Variants in MED24 observed in about 807,000 individuals in gnomAD.
MED24 encodes mediator of RNA polymerase II transcription subunit 24.
In MED24, 74 loss-of-function variants were observed where a neutral mutation model predicts 118.8. The ratio of observed to expected loss-of-function variants is 0.62; its 90% CI spans 0.52 to 0.76. The LOEUF (loss-of-function observed/expected upper bound fraction) is 0.76, where lower values mean the gene tolerates loss of function less well. MED24 is among the 30% of genes least tolerant of loss of function. The pLI, the probability that MED24 is intolerant of heterozygous loss-of-function variation, is 0.00. For missense variants in MED24, 1,041 were observed against 1,278.9 expected (o/e 0.81, Z 2.84); for synonymous variants, 521 against 523.9 (o/e 0.99, Z 0.08).
chr17:40,023,830 G>A (rs1982333332), intron 19 of MED24, among the ~76,000 whole-genome samples: 1 of 152,200 alleles, frequency 6.6e-6, no homozygotes, highest in Non-Finnish European at 1.5e-5. Flanking sequence ...AGAGGCCCAA[G>A]GGCTGCCCCA....
At chr17:40,042,681 A>G (rs967322919) in intron 3 of MED24, among the ~76,000 whole-genome samples, 20 of 152,200 alleles carry the variant, frequency 1.3e-4, no homozygotes, top group African/African-American at 4.1e-4. Context: ...TCCGTCTCAA[A>G]AAAAACAGAG....
chr17:40,027,260 T>C, intron 16 of MED24, 123 bp downstream of exon 16: 1 of 1,245,872 alleles, frequency 8.0e-7, no homozygotes, highest in East Asian at 2.5e-5. Flanking sequence ...GGTGGGCACC[T>C]GGTTTCTGAG....
intron 3 of MED24, among the ~76,000 whole-genome samples, chr17:40,050,151 C>CAA (rs530636875): frequency 1.1e-4 from 8 of 74,062 alleles, no homozygotes; most frequent in Non-Finnish European, 1.3e-4. Context: ...AACTCCGTCT[C>CAA]AAAAAAAAAA....
In MED24 at chr17:40,029,720, T is replaced by G. The variant is rs767385106; in HGVS notation, c.1266+28A>C. 6.3e-6 allele frequency: 10 copies of G among 1,589,516 alleles called. No individual in the cohort carries two copies. The Admixed American group carries it at 1.7e-4, about 27-fold the overall frequency. On this transcript the variant is annotated intron_variant, in intron 13 of 25. Transcript: ENST00000394128. ...GCACTGGAAAGAAGAAAGAGAAGAC[T>G]GTGGTGGCCAGGGAAGGGCACACTC...
At chr17:40,028,021 T>C in intron 14 of MED24, 75 bp from the exon 15 acceptor site, 1 of 1,440,046 alleles carries the variant, frequency 6.9e-7, no homozygotes. Flanking sequence ...GCTACACATG[T>C]TCAGAGAGCG....
At chr17:40,022,219 T>C (rs575729972) in intron 22 of MED24, among the ~76,000 whole-genome samples, 165 bp from the exon 23 acceptor site, 2 of 152,300 alleles carry the variant, frequency 1.3e-5, no homozygotes, top group East Asian at 3.9e-4. Flanking sequence ...CTTGTGCCCA[T>C]GGGCAAGCTG....
At chr17:40,036,292 G>C (rs1480054147) in intron 3 of MED24, 138 bp from the exon 4 acceptor site, 1 of 788,646 alleles carries the variant, frequency 1.3e-6, no homozygotes, top group African/African-American at 1.7e-5. Flanking sequence ...CAAGCAAGGA[G>C]AGGCAGTGTC....
chr17:40,024,639 C>T (rs1201973914), intron 19 of MED24, among the ~76,000 whole-genome samples: 1 of 152,236 alleles, frequency 6.6e-6, no homozygotes, highest in Non-Finnish European at 1.5e-5. Flanking sequence ...TTCACAGCAG[C>T]ACTATTCACT....
Position 40,033,299 on chromosome 17 carries a change from C to T in MED24, c.671+46G>A, listed in dbSNP as rs892045671. 4.3e-6 allele frequency: 7 copies of T among 1,611,518 alleles called. No homozygotes were observed. The highest frequency in any genetic ancestry group is 3.3e-5 in the South Asian group (3 of 90,988). The stretch of plus-strand genomic sequence containing the variant: ...GGTGCCACATCTTCCTACCCCAGGG[C>T]GTGTCCTCCCTCTCCCTTCTCCACC... On this transcript the variant is annotated intron_variant, in intron 7 of 25. Transcript: ENST00000394128. The surrounding 1 kb of genome is among the most constrained non-coding windows in gnomAD (Gnocchi z 5.2).
rs1295801776 is a variant in MED24, at chr17:40,019,140, G to A, written c.*389C>T. 31 of 178,536 alleles carry A rather than the reference G, an allele frequency of 1.7e-4. No homozygotes were observed. Among genetic ancestry groups the A allele is most frequent in the Non-Finnish European group, 5.9e-5 (5 of 84,888 alleles). The allele number at this position is 178,536 out of a possible 1,614,324, so 11.1% of individuals were successfully genotyped here. ...GGAGCTTTATTTATACATGAACGAA[G>A]GTAGATTTCCCTCACATATTACAAA... On this transcript the variant is annotated 3_prime_UTR_variant, in exon 26 of 26. Coordinates refer to ENST00000394128, the MANE Select transcript of MED24 (RefSeq NM_014815.4).
At chr17:40,032,306 C>T in intron 9 of MED24, 1 of 591,812 alleles carries the variant, frequency 1.7e-6, no homozygotes, top group East Asian at 2.9e-5. Flanking sequence ...CACCCTGCAC[C>T]TCCGCTAGCT....
rs536904931 is a variant in MED24 at position 40,027,506 on chromosome 17, G to C, written c.1448-41C>G. 6 of 1,565,036 alleles carry C rather than the reference G, an allele frequency of 3.8e-6. No individual in the cohort carries two copies. The African/African-American group carries it at 6.8e-5, about 18-fold the overall frequency. On this transcript the variant is annotated intron_variant, in intron 15 of 25. Coordinates refer to ENST00000394128, the MANE Select transcript of MED24 (RefSeq NM_014815.4). ...AAGGCTGAGCTCCCAGACGAGGGCAGGGGGGAGCCCGTGTCTGGGTTGACA... is the reference window on the plus strand; with the variant it reads ...AAGGCTGAGCTCCCAGACGAGGGCACGGGGGAGCCCGTGTCTGGGTTGACA...
intron 3 of MED24, among the ~76,000 whole-genome samples, chr17:40,043,010 G>A (rs903210113): frequency 1.3e-5 from 2 of 152,218 alleles, no homozygotes; most frequent in African/African-American, 4.8e-5. Flanking sequence ...AAAGTGCAGT[G>A]ATGTGATCTC....
At chr17:40,034,683 AAG>A (rs1441957993) in intron 6 of MED24, among the ~76,000 whole-genome samples, 1 of 152,238 alleles carries the variant, frequency 6.6e-6, no homozygotes, top group Non-Finnish European at 1.5e-5. Context: ...ATTCAAATAC[AAG>A]AGTCATCTGC....
At chr17:40,035,598 G>A in intron 5 of MED24, 124 bp downstream of exon 5, 2 of 1,003,536 alleles carry the variant, frequency 2.0e-6, no homozygotes, top group Admixed American at 4.8e-5. Context: ...AGTGTAGATG[G>A]GCAGGTGGGG....
chr17:40,029,021 C>A, intron 13 of MED24, 53 bp from the exon 14 acceptor site: 1 of 1,609,334 alleles, frequency 6.2e-7, no homozygotes. Flanking sequence ...ACCCCCCACC[C>A]AAGATACAGC....
chr17:40,039,105 C>T (rs1051025353), intron 3 of MED24, among the ~76,000 whole-genome samples: 4 of 152,170 alleles, frequency 2.6e-5, no homozygotes, highest in African/African-American at 4.8e-5. Flanking sequence ...CCTCAAATGC[C>T]GGGAGAGAAA....
chr17:40,026,699 A>G lies in MED24; in HGVS notation c.1757T>C (p.Leu586Ser), dbSNP rs1489805352. The G allele has an allele frequency of 6.2e-7, 1 of 1,612,782 alleles. No individual in the cohort carries two copies. Among genetic ancestry groups the G allele is most frequent in the South Asian group, 1.1e-5 (1 of 90,676 alleles). Residue 586 changes from leucine to serine, a missense_variant, in exon 18 of 26, where the codon TTG (leucine) becomes TCG (serine). Leu to Ser is a moderately radical substitution (Grantham distance 145). Around this residue, in one of 3 missense-constraint regions of MED24, gnomAD observed 587 missense variants for 694.4 expected, o/e 0.85. Transcript: ENST00000394128. Reference sequence around the variant, plus strand: ...ATTCTCCCAGGCATTGAGGATTTCCAAGATGGCGGCTGAGATGCTGAGACA... The same window carrying G: ...ATTCTCCCAGGCATTGAGGATTTCCGAGATGGCGGCTGAGATGCTGAGACA... ...EACLSISAAI[L>S]EILNAWENGV...
intron 3 of MED24, among the ~76,000 whole-genome samples, chr17:40,036,815 G>C (rs566988457): frequency 6.6e-6 from 1 of 152,152 alleles, no homozygotes; most frequent in South Asian, 2.1e-4. Context: ...CTTCCGGCAA[G>C]AACAGAGGTT....
Sources: gnomAD v4.1 joint callset for allele counts (sites outside exome capture counted in the v4.1 genomes callset) on GRCh38, gnomAD v4.1.1 for gene constraint, gnomAD v4.1.1 regional missense constraint, Gnocchi (gnomAD v3.1) non-coding constraint, MANE v1.5 for transcripts, NCBI Gene and HGNC (gene_info 2026-07-23, HGNC 2026-07-21) for gene names.